The following FAM193A variants were observed in gnomAD, a reference collection of about 807,000 sequenced individuals.
FAM193A encodes the protein family with sequence similarity 193 member A.
In FAM193A, 22 loss-of-function variants were observed where a neutral mutation model predicts 126.5. The ratio of observed to expected loss-of-function variants is 0.17; its 90% CI spans 0.12 to 0.25. FAM193A has a LOEUF of 0.25. Among genes scored for constraint, FAM193A ranks in the 10% least tolerant of loss-of-function variants. The pLI is 1.00. For synonymous variants in FAM193A, 761 were observed against 646.8 expected (o/e 1.18, Z -2.68); for missense variants, 1,675 against 1,672.8 (o/e 1.00, Z -0.02).
chr4:2,610,823 C>T (rs1293221368), intron 2 of FAM193A, among the ~76,000 whole-genome samples: 2 of 152,086 alleles, frequency 1.3e-5, no homozygotes, highest in Admixed American at 6.5e-5. Context: ...CCGCAGCCTC[C>T]GCCTCCCAAG....
At chr4:2,644,740 G>C (rs887904018) in intron 6 of FAM193A, among the ~76,000 whole-genome samples, 4 of 152,254 alleles carry the variant, frequency 2.6e-5, no homozygotes, top group African/African-American at 7.2e-5. Flanking sequence ...CGATTTACCT[G>C]AGGGTGGAGA....
chr4:2,565,449 G>T (rs1738885736), intron 1 of FAM193A, among the ~76,000 whole-genome samples: 1 of 151,856 alleles, frequency 6.6e-6, no homozygotes, highest in African/African-American at 2.4e-5. Flanking sequence ...ATAGAGACAA[G>T]TTTTCACCGT....
At chr4:2,662,761 T>C (rs1175245439) in intron 10 of FAM193A, 77 bp from the exon 11 acceptor site, 9 of 1,130,590 alleles carry the variant, frequency 8.0e-6, no homozygotes, top group East Asian at 2.4e-5. Flanking sequence ...CCAGGAAATA[T>C]CTGTGCTTAG....
intron 1 of FAM193A, among the ~76,000 whole-genome samples, chr4:2,547,263 C>A (rs1737621173): frequency 6.6e-6 from 1 of 152,206 alleles, no homozygotes; most frequent in South Asian, 2.1e-4. Flanking sequence ...TGGCACACAC[C>A]TGTAATTCCA....
chr4:2,580,681 C>A (rs1333419960), intron 1 of FAM193A, among the ~76,000 whole-genome samples: 1 of 152,184 alleles, frequency 6.6e-6, no homozygotes. Context: ...TCTCTGGCTC[C>A]TCACTCTCTT....
chr4:2,696,515 G>T lies in FAM193A; in HGVS notation c.3429G>T (p.Leu1143Phe). The T allele has an allele frequency of 6.2e-7, 1 of 1,614,218 alleles. No homozygotes were observed. Among genetic ancestry groups the T allele is most frequent in the Non-Finnish European group, 8.5e-7 (1 of 1,180,048 alleles). ...VVDHRRVEDL[L>F]QFINSSETKP... ...ACCATCGGAGGGTGGAGGATTTGTT[G>T]CAGTTTATAAATAGCTCCGAAACCA... Residue 1143 changes from leucine to phenylalanine, a missense_variant, in exon 18 of 21, where the codon TTG becomes TTT. Transcript: ENST00000637812.
intron 1 of FAM193A, among the ~76,000 whole-genome samples, chr4:2,551,923 C>T (rs1737944249): frequency 6.6e-6 from 1 of 151,576 alleles, no homozygotes; most frequent in South Asian, 2.1e-4. Context: ...TCACTGTAAC[C>T]TTGAACTCCT....
intron 13 of FAM193A, among the ~76,000 whole-genome samples, chr4:2,686,244 AG>A (rs1233342200): frequency 6.6e-6 from 1 of 152,222 alleles, no homozygotes; most frequent in African/African-American, 2.4e-5. Context: ...GGTTCTGAAT[AG>A]TGTGTAAATC....
intron 1 of FAM193A, among the ~76,000 whole-genome samples, chr4:2,572,279 A>G (rs1299015392): frequency 6.6e-6 from 1 of 151,112 alleles, no homozygotes; most frequent in Non-Finnish European, 1.5e-5. Flanking sequence ...CCGTGAGCCA[A>G]GATCGCGCCA....
At chr4:2,557,581 A>C (rs955650675) in intron 1 of FAM193A, among the ~76,000 whole-genome samples, 1 of 152,138 alleles carries the variant, frequency 6.6e-6, no homozygotes, top group Non-Finnish European at 1.5e-5. Context: ...TTTTCTTCAA[A>C]GGATTCCTGA....
chr4:2,716,372 C>G (rs533010788), intron 20 of FAM193A, among the ~76,000 whole-genome samples: 2 of 152,300 alleles, frequency 1.3e-5, no homozygotes, highest in Admixed American at 1.3e-4. Flanking sequence ...CCCTTCCCCG[C>G]CAACTGGCTG....
intron 19 of FAM193A, among the ~76,000 whole-genome samples, chr4:2,710,177 C>CTTTTTTTTTTTTTTTTTTTTTT (rs1300302935): frequency 1.4e-5 from 1 of 73,854 alleles, no homozygotes; most frequent in African/African-American, 5.7e-5. Context: ...TTTTTTTTTT[C>CTTTTTTTTTTTTTTTTTTTTTT]TTTTTTTTTT....
intron 5 of FAM193A, among the ~76,000 whole-genome samples, chr4:2,638,947 T>C (rs1338620673): frequency 2.0e-5 from 3 of 152,240 alleles, no homozygotes; most frequent in Non-Finnish European, 4.4e-5. Context: ...AGCTGGCGGT[T>C]GTTGAAGTCA....
At chr4:2,694,872 G>A in intron 16 of FAM193A, 74 bp from the exon 17 acceptor site, 2 of 1,283,714 alleles carry the variant, frequency 1.6e-6, no homozygotes, top group South Asian at 2.8e-5. Flanking sequence ...GACAGTGGGT[G>A]GTCATGTGCA....
At chr4:2,633,818 G>A (rs1405007102) in intron 5 of FAM193A, among the ~76,000 whole-genome samples, 1 of 152,178 alleles carries the variant, frequency 6.6e-6, no homozygotes, top group Non-Finnish European at 1.5e-5. Flanking sequence ...GCTTGAACCT[G>A]GGAGGTGGAG....
chr4:2,639,644 A>C, intron 5 of FAM193A, 91 bp from the exon 6 acceptor site: 1 of 879,738 alleles, frequency 1.1e-6, no homozygotes, highest in Non-Finnish European at 1.6e-6. Flanking sequence ...GTGGGGGGAA[A>C]TGGGGAGGGG....
chr4:2,705,536 T>A (rs894608807), intron 19 of FAM193A, among the ~76,000 whole-genome samples: 15 of 152,098 alleles, frequency 9.9e-5, no homozygotes, highest in African/African-American at 3.6e-4. Flanking sequence ...TGGATCCAAT[T>A]TCTCTTTTTC....
intron 20 of FAM193A, among the ~76,000 whole-genome samples, chr4:2,724,438 G>A (rs1272852992): frequency 6.6e-6 from 1 of 152,100 alleles, no homozygotes; most frequent in Admixed American, 6.6e-5. Flanking sequence ...TATTTTATAT[G>A]TAGAACTGTT....
intron 2 of FAM193A, among the ~76,000 whole-genome samples, chr4:2,614,369 AGAT>A (rs1236292885): frequency 2.6e-5 from 4 of 152,250 alleles, no homozygotes; most frequent in South Asian, 2.1e-4. Context: ...ACATCTGTTA[AGAT>A]GATAACAGAG....
Sources: gnomAD v4.1 joint callset for allele counts (sites outside exome capture counted in the v4.1 genomes callset) on GRCh38, gnomAD v4.1.1 for gene constraint, MANE v1.5 for transcripts, NCBI Gene and HGNC (gene_info 2026-07-23, HGNC 2026-07-21) for gene names.